Variants in RNF10 observed in about 807,000 individuals in gnomAD.
The protein encoded by RNF10 is E3 ubiquitin-protein ligase RNF10.
In RNF10, 38 loss-of-function variants were observed where a neutral mutation model predicts 91.4. The ratio of observed to expected loss-of-function variants is 0.42; its 90% confidence interval spans 0.32 to 0.54. RNF10 has a LOEUF of 0.54. RNF10 is among the 20% of genes least tolerant of loss of function. The pLI is 0.16. For missense variants in RNF10, 945 were observed against 1,012.0 expected, an observed-to-expected ratio of 0.93 and a Z score of 0.90; for synonymous variants, 364 against 366.3, an observed-to-expected ratio of 0.99 and a Z score of 0.07.
At chr12:120,551,735 G>GT (rs1593070331) in intron 2 of RNF10, among the ~76,000 whole-genome samples, 1 of 152,140 alleles carries the variant, frequency 6.6e-6, no homozygotes, top group African/African-American at 2.4e-5. Flanking sequence ...CTGGGCTCAA[G>GT]TGCCCCTCTT....
chr12:120,564,359 G>GAT (rs1317051500), intron 10 of RNF10, among the ~76,000 whole-genome samples: 1 of 152,148 alleles, frequency 6.6e-6, no homozygotes, highest in African/African-American at 2.4e-5. Context: ...AAATGGGCTG[G>GAT]ATGTGGTAGC....
At chr12:120,575,739 G>C (rs371914150) in intron 15 of RNF10, 51 bp downstream of exon 15, 51 of 1,613,804 alleles carry the variant, frequency 3.2e-5, no homozygotes, top group African/African-American at 5.3e-5. Flanking sequence ...TCCATAAAAG[G>C]CTGTTTCTAG....
chr12:120,543,018 C>G (rs530687754), intron 1 of RNF10, among the ~76,000 whole-genome samples: 2 of 84,114 alleles, frequency 2.4e-5, no homozygotes, highest in African/African-American at 5.7e-5. Context: ...AGAATGACAT[C>G]TCATTTATAC....
intron 1 of RNF10, among the ~76,000 whole-genome samples, chr12:120,546,017 G>T (rs1240473848): frequency 6.6e-6 from 1 of 152,212 alleles, no homozygotes; most frequent in Non-Finnish European, 1.5e-5. Flanking sequence ...ATTTAAAAAG[G>T]AATCTCTTCT....
chr12:120,545,374 AGT>A (rs1872170954), intron 1 of RNF10, among the ~76,000 whole-genome samples: 3 of 116,502 alleles, frequency 2.6e-5, no homozygotes, highest in African/African-American at 9.6e-5. Flanking sequence ...TTGGATTTTT[AGT>A]AGAGACAGGA....
chr12:120,550,156 C>T (rs1012393072), intron 2 of RNF10, among the ~76,000 whole-genome samples: 21 of 152,078 alleles, frequency 1.4e-4, no homozygotes, highest in South Asian at 2.1e-4. Context: ...AAAAGTTTAC[C>T]ACGTGGTACA....
intron 16 of RNF10, 73 bp downstream of exon 16, chr12:120,576,023 A>G: frequency 6.8e-7 from 1 of 1,475,722 alleles, no homozygotes; most frequent in Non-Finnish European, 9.4e-7. Flanking sequence ...GCCTGGATTC[A>G]GTGGCAGACA....
intron 1 of RNF10, among the ~76,000 whole-genome samples, chr12:120,536,987 T>G (rs1870914416): frequency 6.6e-6 from 1 of 152,232 alleles, no homozygotes; most frequent in Non-Finnish European, 1.5e-5. Context: ...TTAACTCTGA[T>G]TACCCAACAA....
At chr12:120,535,539 TTGAG>T (rs1258199896) in intron 1 of RNF10, 1 of 152,144 alleles carries the variant, frequency 6.6e-6, no homozygotes, top group Non-Finnish European at 1.5e-5. Context: ...TTGCCAGACC[TTGAG>T]TGAGTGCCCC....
At chr12:120,540,755 A>T (rs1475863000) in intron 1 of RNF10, among the ~76,000 whole-genome samples, 1 of 152,146 alleles carries the variant, frequency 6.6e-6, no homozygotes, top group Non-Finnish European at 1.5e-5. Context: ...CTGTCTTATC[A>T]GTGAGCATTT....
At chr12:120,563,164 A>G in intron 8 of RNF10, 94 bp downstream of exon 8, 1 of 1,565,750 alleles carries the variant, frequency 6.4e-7, no homozygotes, top group Admixed American at 1.7e-5. Flanking sequence ...TTCTCAAGAG[A>G]AGAGGGGACA....
At position 120,545,522 on chromosome 12, in the gene RNF10, C is replaced by T. The variant is rs547299745; in HGVS notation, c.158-883C>T. Among the ~76,000 whole-genome samples, 6 of 151,304 alleles carry T rather than the reference C, an allele frequency of 4.0e-5. No homozygotes were observed. The East Asian group carries it at 1.2e-3, about 30-fold the overall frequency. The stretch of plus-strand genomic sequence containing the variant: ...TAAAAAGGATATGACTCAATCTGAT[C>T]CAATATGCTTTTATTTATTTAATTA... On this transcript the variant is annotated intron_variant, in intron 1 of 16. Transcript: ENST00000325954.
intron 1 of RNF10, among the ~76,000 whole-genome samples, chr12:120,537,672 G>A (rs1871026616): frequency 6.6e-6 from 1 of 152,118 alleles, no homozygotes; most frequent in East Asian, 1.9e-4. Context: ...TGTGCCTTGA[G>A]GCAGCATTCT....
intron 1 of RNF10, chr12:120,539,489 T>G: frequency 1.7e-6 from 2 of 1,176,612 alleles, no homozygotes; most frequent in South Asian, 2.5e-5. Flanking sequence ...TGCTTGTGAT[T>G]ACAGCATGAA....
At chr12:120,552,083 CAAA>C (rs563764429) in intron 2 of RNF10, among the ~76,000 whole-genome samples, 2 of 86,466 alleles carry the variant, frequency 2.3e-5, no homozygotes, top group African/African-American at 5.1e-5. Flanking sequence ...GACTCTGTCT[CAAA>C]AAAAAAAAAA....
Position 120,554,716 on chromosome 12 carries a change from A to T in RNF10, c.555-2A>T. 6.2e-7 allele frequency: 1 copy of T among 1,612,122 alleles called. No individual in the cohort carries two copies. Among genetic ancestry groups the T allele is most frequent in the Middle Eastern group, 1.7e-4 (1 of 6,058 alleles). On this transcript the variant is annotated splice_acceptor_variant, in intron 3 of 16. Transcript: ENST00000325954. LOFTEE classifies it high-confidence loss of function. ...GCTTTTTCCTGTCTTTCCTATTTCT[A>T]GCTGCCAATTTGTGGTGTCTGAAGA...
intron 1 of RNF10, among the ~76,000 whole-genome samples, chr12:120,545,172 A>T (rs982228889): frequency 2.6e-5 from 4 of 151,908 alleles, no homozygotes; most frequent in African/African-American, 9.6e-5. Flanking sequence ...AGAGAAAAAC[A>T]AGAAACATTT....
At chr12:120,572,061 GTTTTT>G (rs34773021) in intron 14 of RNF10, among the ~76,000 whole-genome samples, 1 of 144,026 alleles carries the variant, frequency 6.9e-6, no homozygotes, top group Non-Finnish European at 1.5e-5. Flanking sequence ...TATCTTGACA[GTTTTT>G]TTTTTTTTTT....
In RNF10 at chr12:120,566,906, T is replaced by G; in HGVS notation, c.1967T>G (p.Leu656Trp). Reference sequence around the variant, plus strand: ...TATACCTGCTCCTCTGATTCTGCTTTGGGTCCCACCAGCACCGAGGGCCAT... The same window carrying G: ...TATACCTGCTCCTCTGATTCTGCTTGGGGTCCCACCAGCACCGAGGGCCAT... The part of the protein sequence containing the change: ...NSYTCSSDSA[L>W]GPTSTEGHGA... The change falls in exon 13 of 17, where the codon TTG (leucine) becomes TGG (tryptophan). Residue 656 changes from leucine (L) to tryptophan (W), a missense_variant. Physicochemically the swap from Leu to Trp is moderately conservative, Grantham distance 61 (BLOSUM62 -2). Coordinates refer to ENST00000325954, the MANE Select transcript of RNF10 (RefSeq NM_014868.5). 1.2e-6 allele frequency: 2 copies of G among 1,614,112 alleles called. No homozygotes were observed. The highest frequency in any genetic ancestry group is 1.7e-6 in the Non-Finnish European group (2 of 1,179,992).
Sources: gnomAD v4.1 joint callset for allele counts (sites outside exome capture counted in the v4.1 genomes callset) on GRCh38, gnomAD v4.1.1 for gene constraint, MANE v1.5 for transcripts, NCBI Gene and HGNC (gene_info 2026-07-23, HGNC 2026-07-21) for gene names.